TOP3A: variants seen among roughly 807,000 people sequenced by gnomAD.
TOP3A encodes DNA topoisomerase 3-alpha.
In TOP3A, 64 loss-of-function variants were observed where a neutral mutation model predicts 111.3. The ratio of observed to expected loss-of-function variants is 0.57; its 90% confidence interval spans 0.47 to 0.71. The LOEUF is 0.71. Ranked by LOEUF, TOP3A falls within the 30% of genes least tolerant of loss-of-function variation. TOP3A has a pLI of 0.00. For missense variants in TOP3A, 1,104 were observed against 1,285.0 expected (o/e 0.86, Z 2.15); for synonymous variants, 484 against 485.1 (o/e 1.00, Z 0.03).
chr17:18,280,365 G>C (rs1416600685), intron 17 of TOP3A, 171 bp downstream of exon 17: 2 of 658,676 alleles, frequency 3.0e-6, no homozygotes, highest in African/African-American at 1.8e-5. Flanking sequence ...TGACAGCATG[G>C]AACACAACAG....
intron 5 of TOP3A, chr17:18,303,166 G>C (rs1981344061): frequency 6.5e-6 from 1 of 154,944 alleles, no homozygotes; most frequent in Admixed American, 6.4e-5. Flanking sequence ...TGCAGGATGT[G>C]CTTTGTTAAA....
chr17:18,302,031 G>A (rs1981262415), intron 7 of TOP3A, 46 bp from the exon 8 acceptor site: 1 of 1,559,804 alleles, frequency 6.4e-7, no homozygotes, highest in Non-Finnish European at 8.8e-7. Flanking sequence ...TCAGAGACAT[G>A]TCATGATATG....
intron 1 of TOP3A, among the ~76,000 whole-genome samples, chr17:18,309,323 CAG>C (rs1197445328): frequency 1.3e-5 from 2 of 152,214 alleles, no homozygotes; most frequent in Non-Finnish European, 2.9e-5. Context: ...CAAAAAGTTA[CAG>C]AGTTATCACA....
chr17:18,292,291 C>T (rs963078608), intron 11 of TOP3A, among the ~76,000 whole-genome samples: 14 of 152,162 alleles, frequency 9.2e-5, no homozygotes, highest in African/African-American at 3.4e-4. Context: ...AGGAGGCAAC[C>T]AAAACTGAGC....
intron 6 of TOP3A, 48 bp downstream of exon 6, chr17:18,302,532 T>C (rs754700903): frequency 1.2e-6 from 2 of 1,602,392 alleles, no homozygotes; most frequent in South Asian, 2.2e-5. Context: ...TTTGGTCCCA[T>C]AACACAACAT....
Position 18,272,629 on chromosome 17 carries a change from G to A in TOP3A, c.*2173C>T, listed in dbSNP as rs1979067153. On this transcript the variant is annotated 3_prime_UTR_variant, in exon 19 of 19. Transcript: ENST00000321105. Reference sequence around the variant, plus strand: ...GACATGCTACAATGTGGATGAGCCTGACAAACATCAGCCAAGTCAAAGAAA... The same window carrying A: ...GACATGCTACAATGTGGATGAGCCTAACAAACATCAGCCAAGTCAAAGAAA... 6.6e-6 allele frequency among the ~76,000 whole-genome samples: 1 copy of A among 152,042 alleles called. No homozygotes were observed. Among genetic ancestry groups the A allele is most frequent in the Non-Finnish European group, 1.5e-5 (1 of 68,030 alleles).
At chr17:18,280,488 T>C (rs1979687359) in intron 17 of TOP3A, 48 bp downstream of exon 17, 3 of 1,592,162 alleles carry the variant, frequency 1.9e-6, no homozygotes, top group African/African-American at 1.3e-5. Flanking sequence ...AAGGGAAAGA[T>C]GGTGTACACA....
At chr17:18,292,943 C>T (rs1980571840) in intron 10 of TOP3A, 91 bp from the exon 11 acceptor site, 1 of 1,278,264 alleles carries the variant, frequency 7.8e-7, no homozygotes, top group Non-Finnish European at 1.1e-6. Flanking sequence ...CACCTGCAAA[C>T]ACTCATCTGA....
At chr17:18,291,834 C>T (rs1232951579) in intron 11 of TOP3A, among the ~76,000 whole-genome samples, 1 of 152,040 alleles carries the variant, frequency 6.6e-6, no homozygotes, top group East Asian at 1.9e-4. Context: ...CCTGCCTCAG[C>T]CTCCTGAGAG....
intron 9 of TOP3A, among the ~76,000 whole-genome samples, 181 bp from the exon 10 acceptor site, chr17:18,294,966 C>T (rs990943851): frequency 6.6e-6 from 1 of 152,182 alleles, no homozygotes; most frequent in Non-Finnish European, 1.5e-5. Flanking sequence ...AGATCCTAGC[C>T]TAGTGGTTCT....
At chr17:18,313,915 T>C (rs548233751) in intron 1 of TOP3A, among the ~76,000 whole-genome samples, 1 of 152,376 alleles carries the variant, frequency 6.6e-6, no homozygotes, top group Admixed American at 6.5e-5. Flanking sequence ...GATATTTTCC[T>C]GGACAGCTCT....
chr17:18,314,779 C>A lies in TOP3A; in HGVS notation c.-1G>T, dbSNP rs1268998446. 1.8e-5 allele frequency: 28 copies of A among 1,520,436 alleles called. No homozygotes were observed. The highest frequency in any genetic ancestry group is 2.5e-5 in the Non-Finnish European group (28 of 1,129,296). 94.2% of individuals were successfully genotyped at this position (1,520,436 alleles called of 1,614,324 possible). ...CGTAGCGGGCGACAGGAAAGATCAT[C>A]CTCAGACCTCGCGCCCGGAGCCGCT... On this transcript the variant is annotated 5_prime_UTR_variant, in exon 1 of 19. Coordinates refer to ENST00000321105, the MANE Select transcript of TOP3A (RefSeq NM_004618.5).
intron 9 of TOP3A, among the ~76,000 whole-genome samples, chr17:18,295,993 T>A (rs2142973503): frequency 6.6e-6 from 1 of 151,392 alleles, no homozygotes; most frequent in Admixed American, 6.6e-5. Context: ...GGTCTCGATC[T>A]CCTACCTCGT....
chr17:18,299,686 A>G, intron 8 of TOP3A, 53 bp from the exon 9 acceptor site: 1 of 1,502,768 alleles, frequency 6.7e-7, no homozygotes, highest in South Asian at 1.1e-5. Context: ...CATCATCTCC[A>G]TCCTTCCTAT....
chr17:18,295,400 G>A (rs1229949451), intron 9 of TOP3A, among the ~76,000 whole-genome samples: 1 of 151,964 alleles, frequency 6.6e-6, no homozygotes, highest in Admixed American at 6.6e-5. Flanking sequence ...TGCCCGCCTC[G>A]GCCTCCCAAA....
At chr17:18,281,687 C>T (rs1213610036) in intron 16 of TOP3A, among the ~76,000 whole-genome samples, 1 of 152,166 alleles carries the variant, frequency 6.6e-6, no homozygotes, top group Non-Finnish European at 1.5e-5. Context: ...GCCCATAGAC[C>T]TCTTGTTTCT....
chr17:18,301,822 G>A, intron 8 of TOP3A, 63 bp downstream of exon 8: 1 of 1,367,370 alleles, frequency 7.3e-7, no homozygotes, highest in Non-Finnish European at 1.0e-6. Flanking sequence ...GATCACCTCT[G>A]CCGACAGTGG....
Position 18,289,832 on chromosome 17 carries a change from C to T in TOP3A, c.1597+725G>A, listed in dbSNP as rs561718822. On this transcript the variant is annotated intron_variant, in intron 13 of 18. Transcript: ENST00000321105. ...CTTCCCAAGTCATAGGCCTAAGAAA[C>T]TCCCTTTGTGGATGACGCAGCTGCT... Among the ~76,000 whole-genome samples, 37 of 152,340 alleles carry T rather than the reference C, an allele frequency of 2.4e-4. No homozygotes were observed. The South Asian group carries it at 7.5e-3, about 31-fold the overall frequency.
intron 1 of TOP3A, among the ~76,000 whole-genome samples, chr17:18,311,302 AT>A (rs79442031): frequency 2.1e-4 from 28 of 132,054 alleles, no homozygotes; most frequent in African/African-American, 7.7e-4. Flanking sequence ...GCCTGGCCTA[AT>A]TTTTTTTTGA....
Sources: allele counts gnomAD v4.1 joint callset (sites outside exome capture counted in the v4.1 genomes callset), GRCh38; gene constraint gnomAD v4.1.1; transcripts MANE v1.5; gene names NCBI Gene and HGNC (gene_info 2026-07-23, HGNC 2026-07-21).